The following RAP1GAP variants were observed in gnomAD, a reference collection of about 807,000 sequenced individuals.
RAP1GAP encodes rap1 GTPase-activating protein 1.
RAP1GAP carries 35 observed loss-of-function variants against 87.2 expected under a neutral mutation model. The observed-to-expected ratio is 0.40, with a 90% CI of 0.31 to 0.53. The LOEUF (loss-of-function observed/expected upper bound fraction) is 0.53. Ranked by LOEUF, RAP1GAP falls within the 20% of genes least tolerant of loss-of-function variation. RAP1GAP has a pLI of 0.48. For missense variants in RAP1GAP, 734 were observed against 898.9 expected (o/e 0.82, Z 2.35); for synonymous variants, 375 against 363.9 (o/e 1.03, Z -0.35).
rs1470276089 is a variant in RAP1GAP at position 21,622,831 on chromosome 1, AGGGTTG to A, written c.-18-2787_-18-2782del. 1.3e-5 allele frequency: 2 copies of A among 152,078 alleles called. No individual in the cohort carries two copies. The highest frequency in any genetic ancestry group is 2.9e-5 in the Non-Finnish European group (2 of 68,010). The allele number at this position is 152,078 out of a possible 1,614,324, so 9.4% of individuals were successfully genotyped here. On this transcript the variant is annotated intron_variant, in intron 3 of 24. Coordinates refer to ENST00000374765, the MANE Select transcript of RAP1GAP (RefSeq NM_002885.4). The surrounding 1 kb of genome is among the most constrained non-coding windows in gnomAD (Gnocchi z 5.7). ...GGTACCCCGCCTCGGCATCAAGGAC[AGGGTTG>A]GGTTACCTTGCAGACAGAGGGCTTT...
chr1:21,622,330 G>C lies in RAP1GAP; in HGVS notation c.-18-2280C>G. ...TCCCTCCGCCATGCCGCCCCGCCCG[G>C]GTCCTCACCTGCCAGCTGGCCCCCG... On this transcript the variant is annotated intron_variant, in intron 3 of 24. Transcript: ENST00000374765. The surrounding 1 kb of genome is among the most constrained non-coding windows in gnomAD (Gnocchi z 5.7). 2.0e-6 allele frequency: 1 copy of C among 499,226 alleles called. No homozygotes were observed. Among genetic ancestry groups the C allele is most frequent in the Admixed American group, 3.6e-5 (1 of 27,982 alleles). 30.9% of individuals were successfully genotyped at this position (499,226 alleles called of 1,614,324 possible). A position where few individuals can be genotyped will look rare whatever the true frequency, so the allele number is the denominator to read the frequency against.
At chr1:21,631,253 C>T (rs75173084) in intron 2 of RAP1GAP, among the ~76,000 whole-genome samples, 4 of 152,218 alleles carry the variant, frequency 2.6e-5, no homozygotes, top group African/African-American at 7.2e-5. Context: ...GCAGCAGCTG[C>T]GGGGAGCCCA....
Position 21,620,006 on chromosome 1 carries a change from C to T in RAP1GAP, c.18+9G>A. ...GGCTCCCCAGAACAGGCCACAGAGC[C>T]ATCCTCACCTGCATCTTCTCAATCA... On this transcript the variant is annotated intron_variant, in intron 4 of 24. Coordinates refer to ENST00000374765, the MANE Select transcript of RAP1GAP (RefSeq NM_002885.4). The T allele has an allele frequency of 6.2e-7, 1 of 1,613,874 alleles. No individual in the cohort carries two copies. The highest frequency in any genetic ancestry group is 8.5e-7 in the Non-Finnish European group (1 of 1,179,874).
intron 2 of RAP1GAP, among the ~76,000 whole-genome samples, chr1:21,628,415 A>T (rs1423442909): frequency 1.8e-5 from 2 of 109,494 alleles, no homozygotes; most frequent in South Asian, 7.9e-4. Flanking sequence ...AAAAAAAAAA[A>T]AAAAAAAAAA....
At chr1:21,640,411 G>C (rs1361549154) in intron 2 of RAP1GAP, among the ~76,000 whole-genome samples, 2 of 152,190 alleles carry the variant, frequency 1.3e-5, no homozygotes, top group African/African-American at 2.4e-5. Flanking sequence ...GGTTTCTTCA[G>C]GTCATGCCTG....
intron 13 of RAP1GAP, 69 bp downstream of exon 13, chr1:21,611,383 A>G: frequency 6.5e-7 from 1 of 1,545,494 alleles, no homozygotes; most frequent in Non-Finnish European, 8.8e-7. Flanking sequence ...GGCGTGATGG[A>G]GGCTGAACAG....
Position 21,617,314 on chromosome 1 carries a change from G to GA in RAP1GAP, c.282dup (p.Leu95SerfsTer46). 6.4e-7 allele frequency: 1 copy of GA among 1,574,632 alleles called. No individual in the cohort carries two copies. Among genetic ancestry groups the GA allele is most frequent in the Non-Finnish European group, 8.6e-7 (1 of 1,159,404 alleles). The stretch of plus-strand genomic sequence containing the variant: ...ACCAGCCGGCCACCCACCTTGCCGA[G>GA]AAAGTGCTTCCGGTAGATGCGGGCT... On this transcript the variant is annotated frameshift_variant, in exon 7 of 25. Coordinates refer to ENST00000374765, the MANE Select transcript of RAP1GAP (RefSeq NM_002885.4). LOFTEE classifies it high-confidence loss of function.
chr1:21,616,915 C>A (rs190964697), intron 7 of RAP1GAP, among the ~76,000 whole-genome samples: 1 of 152,360 alleles, frequency 6.6e-6, no homozygotes, highest in East Asian at 1.9e-4. Flanking sequence ...TATCAGCTCA[C>A]TAAAGCCTCA....
rs1462356803 is a variant in RAP1GAP at position 21,598,072 on chromosome 1, G to A, written c.1880-8C>T. The A allele has an allele frequency of 1.3e-6, 2 of 1,512,578 alleles. No individual in the cohort carries two copies. Among genetic ancestry groups the A allele is most frequent in the East Asian group, 2.4e-5 (1 of 42,440 alleles). The allele number at this position is 1,512,578 out of a possible 1,614,324, so 93.7% of individuals were successfully genotyped here. ...GGGGTGATCGAGAGGGGCCTGGGGA[G>A]GGGGGCAGGAGGGAGCCACCTCACT... On this transcript the variant is annotated splice_region_variant and splice_polypyrimidine_tract_variant and intron_variant, in intron 22 of 24. Coordinates refer to ENST00000374765, the MANE Select transcript of RAP1GAP (RefSeq NM_002885.4).
At chr1:21,623,914 G>A (rs1183128276) in intron 3 of RAP1GAP, among the ~76,000 whole-genome samples, 1 of 152,246 alleles carries the variant, frequency 6.6e-6, no homozygotes, top group Non-Finnish European at 1.5e-5. Context: ...GTGCAGCCAT[G>A]TGTGCGTGTG....
chr1:21,649,982 C>G (rs977916057), intron 1 of RAP1GAP, among the ~76,000 whole-genome samples, 186 bp from the exon 2 acceptor site: 25 of 150,420 alleles, frequency 1.7e-4, no homozygotes, highest in African/African-American at 5.4e-4. Context: ...AGATTAGGGA[C>G]ATGGGAAGGC....
intron 2 of RAP1GAP, among the ~76,000 whole-genome samples, chr1:21,644,936 G>T (rs575411016): frequency 1.6e-3 from 239 of 146,608 alleles, no homozygotes; most frequent in Non-Finnish European, 2.6e-3. Flanking sequence ...AAGAAAGAAA[G>T]AAAGAAATTC....
chr1:21,645,357 G>A (rs140133017), intron 2 of RAP1GAP, among the ~76,000 whole-genome samples: 76 of 152,152 alleles, frequency 5.0e-4, no homozygotes, highest in African/African-American at 1.7e-3. Flanking sequence ...GCTCACGCTT[G>A]TAATCCTAGC....
rs758693576 is a variant in RAP1GAP, at chr1:21,603,689, G to A, written c.1429-776C>T. Reference sequence around the variant, plus strand: ...CCAAAGCAGGTGCTGAGTGCCATCGGAGCTGCCGCCACTCCATCCCGCACG... The same window carrying A: ...CCAAAGCAGGTGCTGAGTGCCATCGAAGCTGCCGCCACTCCATCCCGCACG... On this transcript the variant is annotated intron_variant, in intron 18 of 24. Coordinates refer to ENST00000374765, the MANE Select transcript of RAP1GAP (RefSeq NM_002885.4). The surrounding 1 kb of genome is among the most constrained non-coding windows in gnomAD (Gnocchi z 6.0). 1 of 879,918 alleles carries A rather than the reference G, an allele frequency of 1.1e-6. No individual in the cohort carries two copies. Among genetic ancestry groups the A allele is most frequent in the Non-Finnish European group, 1.9e-6 (1 of 522,624 alleles). 54.5% of individuals were successfully genotyped at this position (879,918 alleles called of 1,614,324 possible). A position where few individuals can be genotyped will look rare whatever the true frequency, so the allele number is the denominator to read the frequency against.
rs1021069055 is a variant in RAP1GAP, at chr1:21,622,110, A to G, written c.-18-2060T>C. 4.6e-5 allele frequency among the ~76,000 whole-genome samples: 7 copies of G among 152,162 alleles called. No individual in the cohort carries two copies. The highest frequency in any genetic ancestry group is 1.0e-4 in the Non-Finnish European group (7 of 68,010). ...GCACCCACACACACCCTGCCGCTGC[A>G]GCCCAGAGCCACAGTGCCACCCGGG... On this transcript the variant is annotated intron_variant, in intron 3 of 24. Transcript: ENST00000374765. This position sits in a 1 kb window ranked among gnomAD's most constrained non-coding sequence, Gnocchi z 5.7.
At chr1:21,610,381 C>T in intron 13 of RAP1GAP, 106 bp from the exon 14 acceptor site, 1 of 1,210,826 alleles carries the variant, frequency 8.3e-7, no homozygotes, top group South Asian at 1.4e-5. Flanking sequence ...GAGGGCACAT[C>T]TAAGGATTTG....
chr1:21,600,898 A>AAAAAAAAAAAAAAAAC (rs2067779832), intron 20 of RAP1GAP, among the ~76,000 whole-genome samples: 1 of 149,800 alleles, frequency 6.7e-6, no homozygotes, highest in Non-Finnish European at 1.5e-5. Flanking sequence ...AAAAAAAAAA[A>AAAAAAAAAAAAAAAAC]AGTCAAAGCT....
In RAP1GAP at chr1:21,609,555, A is replaced by C. The variant is rs770839446; in HGVS notation, c.1071+20T>G. ...ACCCATTTGTCCTGCTCTGCCCATG[A>C]CTGGGGGGGTGCCCCTCACCTTCCT... On this transcript the variant is annotated intron_variant, in intron 15 of 24. Coordinates refer to ENST00000374765, the MANE Select transcript of RAP1GAP (RefSeq NM_002885.4). This position sits in a 1 kb window ranked among gnomAD's most constrained non-coding sequence, Gnocchi z 4.4. The C allele has an allele frequency of 2.1e-6, 3 of 1,450,458 alleles. No homozygotes were observed. Among genetic ancestry groups the C allele is most frequent in the East Asian group, 4.9e-5 (2 of 40,586 alleles). The allele number at this position is 1,450,458 out of a possible 1,614,324, so 89.8% of individuals were successfully genotyped here. A position where few individuals can be genotyped will look rare whatever the true frequency, so the allele number is the denominator to read the frequency against.
chr1:21,665,926 G>A (rs1180865273), intron 1 of RAP1GAP, among the ~76,000 whole-genome samples: 6 of 152,240 alleles, frequency 3.9e-5, no homozygotes, highest in Non-Finnish European at 8.8e-5. Flanking sequence ...TTGGCACAGG[G>A]CTGCCACCTC....
Sources: allele counts gnomAD v4.1 joint callset (sites outside exome capture counted in the v4.1 genomes callset), GRCh38; gene constraint gnomAD v4.1.1; non-coding constraint Gnocchi (gnomAD v3.1); transcripts MANE v1.5; gene names NCBI Gene and HGNC (gene_info 2026-07-23, HGNC 2026-07-21).